Variants in LMTK2 observed in about 807,000 individuals in gnomAD.
The protein encoded by LMTK2 is serine/threonine-protein kinase LMTK2.
A neutral mutation model predicts 127.5 loss-of-function variants in LMTK2; 37 were observed. The observed-to-expected ratio is 0.29, with a 90% confidence interval of 0.22 to 0.38. The LOEUF (loss-of-function observed/expected upper bound fraction) is 0.38. Among genes scored for constraint, LMTK2 ranks in the 10% least tolerant of loss-of-function variants. The pLI is 1.00. For synonymous variants in LMTK2, 819 were observed against 810.1 expected (o/e 1.01, Z -0.19); for missense variants, 1,694 against 1,920.3 (o/e 0.88, Z 2.20).
At chr7:98,189,477 A>G (rs1206657054) in intron 9 of LMTK2, among the ~76,000 whole-genome samples, 2 of 152,148 alleles carry the variant, frequency 1.3e-5, no homozygotes, top group East Asian at 3.9e-4. Flanking sequence ...TCACTGGGGA[A>G]CTTTTTAAAA....
chr7:98,177,198 T>C (rs967271213), intron 7 of LMTK2, among the ~76,000 whole-genome samples: 3 of 152,246 alleles, frequency 2.0e-5, no homozygotes, highest in Admixed American at 6.5e-5. Context: ...TTGTGGCTTT[T>C]TATAAGACAG....
Position 98,108,950 on chromosome 7 carries a change from C to G in LMTK2, c.103+1670C>G, listed in dbSNP as rs538240319. 1.1e-3 allele frequency among the ~76,000 whole-genome samples: 161 copies of G among 151,674 alleles called. 1 individual carries two copies. The highest frequency in any genetic ancestry group is 3.2e-3 in the Admixed American group (48 of 15,230). ...CGATATCAGCTGACTGCAACCCCCC[C>G]CTTCCGAGTTCAAGCAGTTCTCTGC... is the stretch of plus-strand genomic sequence containing the variant. On this transcript the variant is annotated intron_variant, in intron 1 of 13. Coordinates refer to ENST00000297293, the MANE Select transcript of LMTK2 (RefSeq NM_014916.4).
intron 1 of LMTK2, among the ~76,000 whole-genome samples, chr7:98,127,440 T>C (rs943237413): frequency 6.6e-6 from 1 of 152,210 alleles, no homozygotes; most frequent in Non-Finnish European, 1.5e-5. Context: ...AACCTTTGTC[T>C]AAGTAGCCAC....
chr7:98,154,768 G>C lies in LMTK2; in HGVS notation c.461G>C (p.Gly154Ala). ...GNGWFGKVLL[G>A]EIYTGTSVAR... ...GTTCTTTGATTTTAGGTTCTCTTGG[G>C]AGAGATTTACACGGGCACTAGCGTA... Residue 154 changes from glycine (G) to alanine (A), a missense_variant, in exon 5 of 14, where the codon GGA (glycine) becomes GCA (alanine). Transcript: ENST00000297293. 2 of 1,608,330 alleles carry C rather than the reference G, an allele frequency of 1.2e-6. No individual in the cohort carries two copies. Among genetic ancestry groups the C allele is most frequent in the East Asian group, 4.5e-5 (2 of 44,808 alleles).
At chr7:98,141,663 G>T in intron 3 of LMTK2, 122 bp downstream of exon 3, 2 of 955,484 alleles carry the variant, frequency 2.1e-6, no homozygotes, top group South Asian at 3.2e-5. Context: ...TCTTCCTTCT[G>T]CTCCCAGTGA....
At chr7:98,162,109 C>T (rs778666450) in intron 6 of LMTK2, among the ~76,000 whole-genome samples, 5 of 152,158 alleles carry the variant, frequency 3.3e-5, no homozygotes, top group East Asian at 1.9e-4. Context: ...TTGTCCACTC[C>T]GCTTCATGTT....
At chr7:98,178,531 C>T (rs1167160377) in intron 7 of LMTK2, among the ~76,000 whole-genome samples, 2 of 152,296 alleles carry the variant, frequency 1.3e-5, no homozygotes, top group African/African-American at 2.4e-5. Flanking sequence ...TTCTGAGAGC[C>T]GGGCGGGGCT....
At chr7:98,200,418 T>C (rs1276223598) in intron 11 of LMTK2, among the ~76,000 whole-genome samples, 2 of 152,214 alleles carry the variant, frequency 1.3e-5, no homozygotes, top group African/African-American at 2.4e-5. Context: ...AGTGTACTTA[T>C]AACATGGCTT....
rs555660357 is a variant in LMTK2, at chr7:98,189,227, T to A, written c.999-1501T>A. Among the ~76,000 whole-genome samples, 3 of 152,238 alleles carry A rather than the reference T, an allele frequency of 2.0e-5. No homozygotes were observed. In the East Asian group the frequency reaches 5.8e-4, roughly 29 times the overall value. Reference sequence around the variant, plus strand: ...GAGGATGTAGGGGTCCACAGTGAGATCCTCTTACTTGCCCTTACCTGGAAG... The same window carrying A: ...GAGGATGTAGGGGTCCACAGTGAGAACCTCTTACTTGCCCTTACCTGGAAG... On this transcript the variant is annotated intron_variant, in intron 9 of 13. Coordinates refer to ENST00000297293, the MANE Select transcript of LMTK2 (RefSeq NM_014916.4).
At chr7:98,160,695 G>A (rs1211564695) in intron 6 of LMTK2, among the ~76,000 whole-genome samples, 1 of 152,104 alleles carries the variant, frequency 6.6e-6, no homozygotes, top group African/African-American at 2.4e-5. Context: ...GTTTGAGTCA[G>A]TTTTCTGTTG....
At chr7:98,117,010 A>G (rs1330609963) in intron 1 of LMTK2, among the ~76,000 whole-genome samples, 1 of 152,226 alleles carries the variant, frequency 6.6e-6, no homozygotes, top group Non-Finnish European at 1.5e-5. Context: ...ATCACATCAC[A>G]TCAAGGGTGT....
At chr7:98,154,234 T>G (rs1796895446) in intron 4 of LMTK2, among the ~76,000 whole-genome samples, 1 of 152,148 alleles carries the variant, frequency 6.6e-6, no homozygotes, top group African/African-American at 2.4e-5. Flanking sequence ...TGAATGGAGA[T>G]TTGGTAGGAG....
At chr7:98,154,091 T>C (rs1028036080) in intron 4 of LMTK2, among the ~76,000 whole-genome samples, 5 of 152,236 alleles carry the variant, frequency 3.3e-5, no homozygotes, top group Non-Finnish European at 7.3e-5. Context: ...AAAACCCTTA[T>C]TCGCATTTTC....
chr7:98,129,209 C>A (rs904578102), intron 1 of LMTK2, among the ~76,000 whole-genome samples: 2 of 152,086 alleles, frequency 1.3e-5, no homozygotes, highest in Non-Finnish European at 2.9e-5. Flanking sequence ...CTCAGCCTCT[C>A]GAGTAGCTGG....
intron 6 of LMTK2, among the ~76,000 whole-genome samples, chr7:98,163,855 G>A (rs1014243940): frequency 3.9e-5 from 6 of 152,234 alleles, no homozygotes; most frequent in Non-Finnish European, 8.8e-5. Flanking sequence ...AAAGGGCACA[G>A]AGGGCAGCGG....
chr7:98,203,422 C>T, intron 11 of LMTK2, 152 bp from the exon 12 acceptor site: 1 of 949,306 alleles, frequency 1.1e-6, no homozygotes, highest in Non-Finnish European at 1.5e-6. Flanking sequence ...GGCCTAGTGT[C>T]TGTCCGTCCT....
At chr7:98,158,843 G>T (rs1179344443) in intron 5 of LMTK2, among the ~76,000 whole-genome samples, 1 of 152,178 alleles carries the variant, frequency 6.6e-6, no homozygotes, top group Admixed American at 6.5e-5. Context: ...TGTATAGTCT[G>T]CCCTCTTTTA....
chr7:98,171,799 GAA>G lies in LMTK2; in HGVS notation c.791+126_791+127del. ...AGAATGAACCCAGCTCATGTAGGTA[GAA>G]GCGATCTCGTTCTTACCCATGTCCG... On this transcript the variant is annotated intron_variant, in intron 7 of 13. Transcript: ENST00000297293. This position sits in a 1 kb window ranked among gnomAD's most constrained non-coding sequence, Gnocchi z 5.1. 1 of 1,085,166 alleles carries G rather than the reference GAA, an allele frequency of 9.2e-7. No homozygotes were observed. The allele number at this position is 1,085,166 out of a possible 1,614,324, so 67.2% of individuals were successfully genotyped here.
At chr7:98,148,608 C>A (rs1796806804) in intron 3 of LMTK2, among the ~76,000 whole-genome samples, 1 of 151,998 alleles carries the variant, frequency 6.6e-6, no homozygotes, top group South Asian at 2.1e-4. Context: ...TTCATTTTTA[C>A]CTGTGAATGG....
Sources: allele counts gnomAD v4.1 joint callset (sites outside exome capture counted in the v4.1 genomes callset), GRCh38; gene constraint gnomAD v4.1.1; non-coding constraint Gnocchi (gnomAD v3.1); transcripts MANE v1.5; gene names NCBI Gene and HGNC (gene_info 2026-07-23, HGNC 2026-07-21).